EFNA5: variants seen among roughly 807,000 people sequenced by gnomAD.
EFNA5 encodes ephrin-A5.
EFNA5 carries 5 observed loss-of-function variants against 22.9 expected under a neutral mutation model. The observed-to-expected ratio is 0.22, with a 90% CI of 0.11 to 0.46. EFNA5 has a LOEUF of 0.46. EFNA5 is among the 20% of genes least tolerant of loss of function. The pLI is 0.99. For missense variants in EFNA5, 237 were observed against 293.3 expected, an observed-to-expected ratio of 0.81 and a Z score of 1.40; for synonymous variants, 113 against 112.2, an observed-to-expected ratio of 1.01 and a Z score of -0.04.
At chr5:107,481,123 G>T (rs1750447953) in intron 1 of EFNA5, among the ~76,000 whole-genome samples, 1 of 152,184 alleles carries the variant, frequency 6.6e-6, no homozygotes, top group Admixed American at 6.5e-5. Context: ...ACAGGGTAAA[G>T]TTAGACTCTC....
chr5:107,509,660 A>T (rs1403462792), intron 1 of EFNA5, among the ~76,000 whole-genome samples: 1 of 151,960 alleles, frequency 6.6e-6, no homozygotes, highest in Non-Finnish European at 1.5e-5. Context: ...CACCCCTTAA[A>T]AATATACTCA....
chr5:107,599,438 A>G (rs1749544160), intron 1 of EFNA5, among the ~76,000 whole-genome samples: 1 of 152,232 alleles, frequency 6.6e-6, no homozygotes, highest in Admixed American at 6.5e-5. Context: ...CAAAAATAGA[A>G]TACTCAGAAA....
chr5:107,460,776 A>G (rs2112455510), intron 1 of EFNA5, among the ~76,000 whole-genome samples: 1 of 152,314 alleles, frequency 6.6e-6, no homozygotes, highest in Non-Finnish European at 1.5e-5. Flanking sequence ...AATCAATTTC[A>G]AATTCCCTAA....
At chr5:107,517,363 C>T (rs749093619) in intron 1 of EFNA5, among the ~76,000 whole-genome samples, 7 of 152,188 alleles carry the variant, frequency 4.6e-5, no homozygotes, top group Non-Finnish European at 7.3e-5. Context: ...GATAAAAGTA[C>T]TGAACTCCGG....
chr5:107,526,278 G>T (rs1561422290), intron 1 of EFNA5, among the ~76,000 whole-genome samples: 1 of 152,192 alleles, frequency 6.6e-6, no homozygotes, highest in Non-Finnish European at 1.5e-5. Flanking sequence ...GTTTCAACTA[G>T]AAGACTCAAA....
intron 1 of EFNA5, among the ~76,000 whole-genome samples, chr5:107,482,862 CTCTCTCTCTATATATATATA>C (rs1750520039): frequency 1.3e-5 from 1 of 75,994 alleles, no homozygotes; most frequent in Non-Finnish European, 2.5e-5. Context: ...CTCTCTCTCT[CTCTCTCTCTATATATATATA>C]TATATATATA....
chr5:107,506,187 T>G (rs1747246917), intron 1 of EFNA5: 1 of 152,266 alleles, frequency 6.6e-6, no homozygotes, highest in Non-Finnish European at 1.5e-5. Context: ...GTCTACTCCC[T>G]TCTCTGGTCC....
chr5:107,509,543 A>G (rs1461114892), intron 1 of EFNA5, among the ~76,000 whole-genome samples: 1 of 149,068 alleles, frequency 6.7e-6, no homozygotes, highest in Non-Finnish European at 1.5e-5. Context: ...ATGTTGGCCA[A>G]GCTGGTCTTG....
chr5:107,642,272 A>G (rs1750541574), intron 1 of EFNA5, among the ~76,000 whole-genome samples: 1 of 152,186 alleles, frequency 6.6e-6, no homozygotes, highest in African/African-American at 2.4e-5. Context: ...ATTGTGCATT[A>G]TAGTGGCTAT....
intron 1 of EFNA5, among the ~76,000 whole-genome samples, chr5:107,590,401 T>TC (rs1749294076): frequency 6.6e-6 from 1 of 152,038 alleles, no homozygotes; most frequent in African/African-American, 2.4e-5. Context: ...CATAATTTTT[T>TC]TTTTTTTTTA....
At chr5:107,623,015 G>A (rs1222765234) in intron 1 of EFNA5, among the ~76,000 whole-genome samples, 2 of 107,292 alleles carry the variant, frequency 1.9e-5, no homozygotes, top group East Asian at 2.9e-4. Context: ...GTGACAGAGC[G>A]AGACTCCGTC....
chr5:107,402,018 A>G (rs1422153756), intron 2 of EFNA5, among the ~76,000 whole-genome samples: 1 of 152,202 alleles, frequency 6.6e-6, no homozygotes, highest in Non-Finnish European at 1.5e-5. Context: ...TTTATAGAAA[A>G]AGGCACTTCA....
chr5:107,538,702 T>C (rs1397561061), intron 1 of EFNA5, among the ~76,000 whole-genome samples: 1 of 152,220 alleles, frequency 6.6e-6, no homozygotes, highest in Non-Finnish European at 1.5e-5. Flanking sequence ...TCACCAGGAA[T>C]GTAGAGCAGG....
At chr5:107,534,498 CAA>C (rs1747891331) in intron 1 of EFNA5, among the ~76,000 whole-genome samples, 1 of 152,188 alleles carries the variant, frequency 6.6e-6, no homozygotes, top group East Asian at 1.9e-4. Context: ...ATAATAGACT[CAA>C]ACATGCTATT....
chr5:107,438,242 G>A (rs1749167094), intron 1 of EFNA5, among the ~76,000 whole-genome samples: 1 of 152,130 alleles, frequency 6.6e-6, no homozygotes, highest in African/African-American at 2.4e-5. Context: ...ACAGCCTCCT[G>A]AAACAAGACT....
chr5:107,394,821 C>CTTG (rs1247007948), intron 2 of EFNA5, among the ~76,000 whole-genome samples: 2 of 152,136 alleles, frequency 1.3e-5, no homozygotes, highest in Admixed American at 1.3e-4. Context: ...CAATAGCACA[C>CTTG]TAACATGCTT....
rs368304882 is a variant in EFNA5 at position 107,420,522 on chromosome 5, TAAAAAAAAAAAAAA to T, written c.418+6681_418+6694del. 1.6e-3 allele frequency among the ~76,000 whole-genome samples: 172 copies of T among 109,094 alleles called. 2 individuals are homozygous for T. The highest frequency in any genetic ancestry group is 2.5e-3 in the Non-Finnish European group (139 of 56,168). 71.6% of individuals were successfully genotyped at this position (109,094 alleles called of 152,430 possible). On this transcript the variant is annotated intron_variant, in intron 2 of 4. Coordinates refer to ENST00000333274, the MANE Select transcript of EFNA5 (RefSeq NM_001962.3). ...TACACTTAACCAGAGTCTGTGCTTT[TAAAAAAAAAAAAAA>T]AAAAGAAAAAAAAAAAAGAAAAAAA... is the stretch of plus-strand genomic sequence containing the variant.
intron 1 of EFNA5, among the ~76,000 whole-genome samples, chr5:107,595,946 G>A (rs1749464382): frequency 6.6e-6 from 1 of 152,050 alleles, no homozygotes; most frequent in African/African-American, 2.4e-5. Flanking sequence ...TTCATAGCTG[G>A]CAATAAGCAA....
At chr5:107,398,202 C>T (rs141161826) in intron 2 of EFNA5, among the ~76,000 whole-genome samples, 1 of 152,230 alleles carries the variant, frequency 6.6e-6, no homozygotes, top group East Asian at 1.9e-4. Context: ...AATATTCCCT[C>T]CTAGAATCTC....
Sources: allele counts gnomAD v4.1 joint callset (sites outside exome capture counted in the v4.1 genomes callset), GRCh38; gene constraint gnomAD v4.1.1; transcripts MANE v1.5; gene names NCBI Gene and HGNC (gene_info 2026-07-23, HGNC 2026-07-21).